GAREM1: variants seen among roughly 807,000 people sequenced by gnomAD.
GAREM1 encodes GRB2 associated regulator of MAPK1 subtype 1.
Under a neutral mutation model 71.3 loss-of-function variants are expected in GAREM1, and 26 were observed. The observed-to-expected ratio is 0.36, with a 90% CI of 0.27 to 0.51. GAREM1 has a LOEUF of 0.51. Among genes scored for constraint, GAREM1 ranks in the 20% least tolerant of loss-of-function variants. The probability of loss-of-function intolerance (pLI) is 0.95; values close to 1 mark genes in which losing one functional copy is unlikely to be tolerated. For missense variants in GAREM1, 1,026 were observed against 1,103.1 expected (o/e 0.93, Z 0.99); for synonymous variants, 440 against 433.2 (o/e 1.02, Z -0.20).
chr18:32,452,152 T>C (rs559839845), intron 1 of GAREM1, among the ~76,000 whole-genome samples: 1 of 152,266 alleles, frequency 6.6e-6, no homozygotes, highest in Admixed American at 6.5e-5. Flanking sequence ...CCTGAGACTC[T>C]ACTGATATTA....
intron 2 of GAREM1, among the ~76,000 whole-genome samples, chr18:32,316,463 T>G (rs1320138895): frequency 2.6e-5 from 4 of 152,228 alleles, no homozygotes; most frequent in Non-Finnish European, 5.9e-5. Flanking sequence ...TTACATTTCT[T>G]TATTTTTGAG....
chr18:32,412,773 T>G, intron 1 of GAREM1: 1 of 1,213,486 alleles, frequency 8.2e-7, no homozygotes, highest in Non-Finnish European at 1.2e-6. Context: ...AGTCATGATT[T>G]CAATCACTTC....
chr18:32,468,903 CACA>C (rs1306177391), intron 1 of GAREM1, among the ~76,000 whole-genome samples: 3 of 151,716 alleles, frequency 2.0e-5, no homozygotes, highest in Non-Finnish European at 4.4e-5. Flanking sequence ...ATTTAAAGCA[CACA>C]ACATTTTCCC....
At chr18:32,405,987 C>T (rs994505930) in intron 1 of GAREM1, among the ~76,000 whole-genome samples, 1 of 152,192 alleles carries the variant, frequency 6.6e-6, no homozygotes, top group Non-Finnish European at 1.5e-5. Flanking sequence ...ACATAACCCT[C>T]AACACCAGCG....
intron 4 of GAREM1, among the ~76,000 whole-genome samples, chr18:32,272,291 G>A (rs562725804): frequency 6.6e-6 from 1 of 152,170 alleles, no homozygotes; most frequent in Admixed American, 6.5e-5. Context: ...AACTCTAAAT[G>A]AAATGGAAGC....
intron 2 of GAREM1, among the ~76,000 whole-genome samples, chr18:32,369,845 C>G (rs1179009464): frequency 1.3e-5 from 2 of 152,198 alleles, no homozygotes; most frequent in African/African-American, 4.8e-5. Flanking sequence ...ATTATGTAGA[C>G]AGTAATGCGC....
chr18:32,388,260 A>G (rs777411484), intron 2 of GAREM1, among the ~76,000 whole-genome samples: 1 of 152,184 alleles, frequency 6.6e-6, no homozygotes, highest in Non-Finnish European at 1.5e-5. Flanking sequence ...AAATAAATAA[A>G]CAGAAGAGAA....
At chr18:32,408,461 T>C (rs1468113590) in intron 1 of GAREM1, among the ~76,000 whole-genome samples, 3 of 152,180 alleles carry the variant, frequency 2.0e-5, no homozygotes, top group South Asian at 4.1e-4. Context: ...AGTGCCTTTA[T>C]ATTAATGGCA....
At chr18:32,349,017 C>A (rs773033525) in intron 2 of GAREM1, among the ~76,000 whole-genome samples, 5 of 152,068 alleles carry the variant, frequency 3.3e-5, no homozygotes, top group Non-Finnish European at 5.9e-5. Flanking sequence ...TTAAAACTAT[C>A]CAGAATCATT....
chr18:32,314,917 G>A (rs186541393), intron 2 of GAREM1, among the ~76,000 whole-genome samples: 45 of 152,192 alleles, frequency 3.0e-4, no homozygotes, highest in Admixed American at 1.1e-3. Flanking sequence ...TATAGATTTG[G>A]AATATGAACA....
intron 2 of GAREM1, among the ~76,000 whole-genome samples, chr18:32,311,565 A>T (rs1196138943): frequency 6.6e-6 from 1 of 152,208 alleles, no homozygotes; most frequent in Admixed American, 6.5e-5. Flanking sequence ...CAGGGAGACC[A>T]ATCAGTATTG....
At chr18:32,453,976 G>A (rs755411577) in intron 1 of GAREM1, among the ~76,000 whole-genome samples, 1 of 152,010 alleles carries the variant, frequency 6.6e-6, no homozygotes, top group African/African-American at 2.4e-5. Context: ...GAATCTATAG[G>A]GGGGTGGGGT....
chr18:32,336,211 A>G (rs2047591907), intron 2 of GAREM1, among the ~76,000 whole-genome samples: 1 of 152,140 alleles, frequency 6.6e-6, no homozygotes, highest in Non-Finnish European at 1.5e-5. Flanking sequence ...CGGGCGGATC[A>G]TGAGGTCAGG....
intron 2 of GAREM1, among the ~76,000 whole-genome samples, chr18:32,370,035 C>T (rs373955590): frequency 6.6e-6 from 1 of 152,192 alleles, no homozygotes; most frequent in Non-Finnish European, 1.5e-5. Flanking sequence ...AGGTTGTACA[C>T]GAAGAAAATT....
In GAREM1 at chr18:32,360,991, C is replaced by T. The variant is rs1193282543; in HGVS notation, c.262+31904G>A. Among the ~76,000 whole-genome samples, 3 of 152,162 alleles carry T rather than the reference C, an allele frequency of 2.0e-5. No homozygotes were observed. In the East Asian group the frequency reaches 5.8e-4, roughly 29 times the overall value. The stretch of plus-strand genomic sequence containing the variant: ...CCAGTTATGTCAAAATATTCTCCTA[C>T]TTAATACTCTTTTTAGAAATAATAA... On this transcript the variant is annotated intron_variant, in intron 2 of 5. Coordinates refer to ENST00000269209, the MANE Select transcript of GAREM1 (RefSeq NM_001242409.2).
chr18:32,316,532 C>A (rs2047379442), intron 2 of GAREM1, among the ~76,000 whole-genome samples: 1 of 152,162 alleles, frequency 6.6e-6, no homozygotes, highest in Non-Finnish European at 1.5e-5. Flanking sequence ...GGCTCACTGG[C>A]TCCCCAGACT....
rs141016913 is a variant in GAREM1, at chr18:32,361,354, T to C, written c.262+31541A>G. ...TTCTAATGTTAGAGCCAGGCAAGTA[T>C]GGTGAGGAAGGCAAATCTGTTGCAA... On this transcript the variant is annotated intron_variant, in intron 2 of 5. Transcript: ENST00000269209. 1.2e-3 allele frequency among the ~76,000 whole-genome samples: 180 copies of C among 152,298 alleles called. 2 individuals carry two copies. In the East Asian group the frequency reaches 0.03, roughly 25 times the overall value.
chr18:32,435,828 T>G (rs541938797), intron 1 of GAREM1, among the ~76,000 whole-genome samples: 2 of 152,178 alleles, frequency 1.3e-5, no homozygotes, highest in Admixed American at 6.6e-5. Context: ...ATTCCTAGAG[T>G]GTGCCAGGCA....
Position 32,299,513 on chromosome 18 carries a change from C to CAAAA in GAREM1, c.393+10676_393+10679dup, listed in dbSNP as rs57549959. Among the ~76,000 whole-genome samples, 238 of 69,244 alleles carry CAAAA rather than the reference C, an allele frequency of 3.4e-3. 6 individuals are homozygous for CAAAA. Among genetic ancestry groups the CAAAA allele is most frequent in the Admixed American group, 4.4e-3 (24 of 5,516 alleles). 45.4% of individuals were successfully genotyped at this position (69,244 alleles called of 152,430 possible). Reference sequence around the variant, plus strand: ...TGGGTGACAGAGCAAGACCCCATCTCAAAAAAAAAAAAAAAAAAAAAAAGT... The same window carrying CAAAA: ...TGGGTGACAGAGCAAGACCCCATCTCAAAAAAAAAAAAAAAAAAAAAAAAAAAGT... On this transcript the variant is annotated intron_variant, in intron 3 of 5. Coordinates refer to ENST00000269209, the MANE Select transcript of GAREM1 (RefSeq NM_001242409.2).
Sources: gnomAD v4.1 joint callset for allele counts (sites outside exome capture counted in the v4.1 genomes callset) on GRCh38, gnomAD v4.1.1 for gene constraint, MANE v1.5 for transcripts, NCBI Gene and HGNC (gene_info 2026-07-23, HGNC 2026-07-21) for gene names.